Variants in DCLK1 observed in about 807,000 individuals in gnomAD.
The protein encoded by DCLK1 is doublecortin like kinase 1.
DCLK1 carries 16 observed loss-of-function variants against 86.2 expected under a neutral mutation model. That is an observed-to-expected ratio of 0.19 (90% confidence interval 0.13 to 0.28). The LOEUF is 0.28. DCLK1 is among the 10% of genes least tolerant of loss of function. DCLK1 has a pLI of 1.00. For synonymous variants in DCLK1, 369 were observed against 370.5 expected, an observed-to-expected ratio of 1.00 and a Z score of 0.05; for missense variants, 590 against 940.2, an observed-to-expected ratio of 0.63 and a Z score of 4.87.
chr13:35,920,834 GT>G (rs1875758030), intron 4 of DCLK1, among the ~76,000 whole-genome samples: 1 of 152,050 alleles, frequency 6.6e-6, no homozygotes, highest in African/African-American at 2.4e-5. Context: ...GCTTCTCCCT[GT>G]CACCACCCGA....
At chr13:36,114,036 A>G (rs2138194135) in intron 2 of DCLK1, among the ~76,000 whole-genome samples, 1 of 152,318 alleles carries the variant, frequency 6.6e-6, no homozygotes, top group South Asian at 2.1e-4. Context: ...CAATTGTCTG[A>G]TTATTTATAA....
intron 16 of DCLK1, among the ~76,000 whole-genome samples, chr13:35,783,647 G>C (rs911750062): frequency 1.8e-4 from 27 of 152,146 alleles, no homozygotes; most frequent in African/African-American, 5.8e-4. Context: ...GTGCAGTGGT[G>C]TGATCTCGGC....
intron 3 of DCLK1, among the ~76,000 whole-genome samples, chr13:36,001,647 C>T (rs1322945230): frequency 2.0e-5 from 3 of 152,162 alleles, no homozygotes; most frequent in Admixed American, 6.5e-5. Context: ...ATGATGTGCA[C>T]CCTGCAAGTG....
At chr13:36,070,984 G>A (rs1161405429) in intron 3 of DCLK1, among the ~76,000 whole-genome samples, 2 of 152,108 alleles carry the variant, frequency 1.3e-5, no homozygotes, top group Admixed American at 1.3e-4. Flanking sequence ...TGGTGTTCTG[G>A]AAGAAAGAGA....
rs749567335 is a variant in DCLK1 at position 35,918,892 on chromosome 13, G to GTTTTTTTTTTTTTTTTTTT, written c.823+28465_823+28466insAAAAAAAAAAAAAAAAAAA. On this transcript the variant is annotated intron_variant, in intron 4 of 16. Transcript: ENST00000360631. ...AAAAAGAAATCTTCCTTCTGAGTGT[G>GTTTTTTTTTTTTTTTTTTT]TTTTTTTTTTTTTTTTTGGAAACGG... 9.9e-3 allele frequency among the ~76,000 whole-genome samples: 752 copies of GTTTTTTTTTTTTTTTTTTT among 76,308 alleles called. 217 individuals are homozygous for GTTTTTTTTTTTTTTTTTTT. The highest frequency in any genetic ancestry group is 0.012 in the Non-Finnish European group (487 of 40,716). 50.1% of individuals were successfully genotyped at this position (76,308 alleles called of 152,430 possible). A position where few individuals can be genotyped will look rare whatever the true frequency, so the allele number is the denominator to read the frequency against.
chr13:36,041,437 A>G (rs1882698721), intron 3 of DCLK1, among the ~76,000 whole-genome samples: 1 of 152,194 alleles, frequency 6.6e-6, no homozygotes, highest in African/African-American at 2.4e-5. Flanking sequence ...ATACAGGACA[A>G]TAATTATGTA....
intron 3 of DCLK1, among the ~76,000 whole-genome samples, chr13:35,960,736 C>T (rs1330802188): frequency 6.6e-6 from 1 of 152,194 alleles, no homozygotes; most frequent in East Asian, 1.9e-4. Flanking sequence ...GGATTACAGG[C>T]ATAAGCCACC....
At chr13:35,808,360 A>G (rs753170738) in intron 13 of DCLK1, 40 bp from the exon 14 acceptor site, 2 of 1,523,096 alleles carry the variant, frequency 1.3e-6, no homozygotes, top group East Asian at 2.3e-5. Flanking sequence ...CAGCACTAAG[A>G]TATCAACTCA....
intron 3 of DCLK1, among the ~76,000 whole-genome samples, chr13:36,063,130 G>A (rs904963634): frequency 6.6e-6 from 1 of 152,132 alleles, no homozygotes; most frequent in East Asian, 1.9e-4. Flanking sequence ...TTCTGATGTT[G>A]ATCATGATTT....
At chr13:35,912,662 A>G (rs1021370688) in intron 4 of DCLK1, among the ~76,000 whole-genome samples, 2 of 152,032 alleles carry the variant, frequency 1.3e-5, no homozygotes, top group African/African-American at 2.4e-5. Context: ...TACCTCCACC[A>G]TCCTTCAAGT....
At position 36,101,425 on chromosome 13, in the gene DCLK1, T is replaced by A. The variant is rs376948700; in HGVS notation, c.723+10444A>T. ...CATATCTTGCCATCTGATGTCAACA[T>A]TGGCATTGAGAGGATGCTAATAAAA... On this transcript the variant is annotated intron_variant, in intron 3 of 16. Transcript: ENST00000360631. Among the ~76,000 whole-genome samples, 4 of 152,216 alleles carry A rather than the reference T, an allele frequency of 2.6e-5. No homozygotes were observed. The East Asian group carries it at 7.7e-4, about 29-fold the overall frequency.
intron 6 of DCLK1, among the ~76,000 whole-genome samples, chr13:35,839,847 G>C (rs1240943700): frequency 2.6e-5 from 4 of 152,190 alleles, no homozygotes; most frequent in African/African-American, 9.7e-5. Context: ...ACAACTGTAT[G>C]AGAGAGCTCA....
intron 16 of DCLK1, among the ~76,000 whole-genome samples, chr13:35,791,004 TTG>T (rs993325913): frequency 1.3e-5 from 2 of 152,112 alleles, no homozygotes; most frequent in African/African-American, 4.8e-5. Context: ...GCCCCACCCT[TTG>T]GTTACTGACC....
At chr13:35,974,062 A>G (rs1879200432) in intron 3 of DCLK1, among the ~76,000 whole-genome samples, 1 of 152,240 alleles carries the variant, frequency 6.6e-6, no homozygotes, top group Non-Finnish European at 1.5e-5. Context: ...AAATAGACAT[A>G]TAAAAATAGA....
intron 7 of DCLK1, among the ~76,000 whole-genome samples, chr13:35,837,388 G>A (rs1039230784): frequency 1.3e-5 from 2 of 152,082 alleles, no homozygotes; most frequent in Non-Finnish European, 2.9e-5. Flanking sequence ...CTCTTACCCT[G>A]CTAGAAGCCA....
At chr13:36,059,868 C>CT (rs57867541) in intron 3 of DCLK1, among the ~76,000 whole-genome samples, 1,584 of 140,294 alleles carry the variant, frequency 0.011, 17 homozygotes, top group African/African-American at 0.021. Context: ...ACTTAAATCT[C>CT]TTTTTTTTTT....
intron 11 of DCLK1, among the ~76,000 whole-genome samples, chr13:35,815,270 A>T (rs918302175): frequency 2.6e-5 from 4 of 152,246 alleles, no homozygotes; most frequent in African/African-American, 9.6e-5. Flanking sequence ...TTGAAAAAAT[A>T]AAACATTTAA....
intron 3 of DCLK1, among the ~76,000 whole-genome samples, chr13:36,037,976 G>A (rs548117534): frequency 6.6e-6 from 1 of 152,274 alleles, no homozygotes; most frequent in Admixed American, 6.5e-5. Flanking sequence ...TTAAGATACA[G>A]CTCACTGCAG....
intron 4 of DCLK1, among the ~76,000 whole-genome samples, chr13:35,904,648 A>G (rs975101832): frequency 2.0e-5 from 3 of 152,184 alleles, no homozygotes; most frequent in African/African-American, 7.2e-5. Flanking sequence ...TGCCTTTAGG[A>G]AAGAAGGGCT....
Sources: gnomAD v4.1 joint callset for allele counts (sites outside exome capture counted in the v4.1 genomes callset) on GRCh38, gnomAD v4.1.1 for gene constraint, MANE v1.5 for transcripts, NCBI Gene and HGNC (gene_info 2026-07-23, HGNC 2026-07-21) for gene names.